Variants in CNOT3 observed in about 807,000 individuals in gnomAD.
CNOT3 encodes CCR4-associated factor 3.
In CNOT3, 2 loss-of-function variants were observed where a neutral mutation model predicts 89.4. That is an observed-to-expected ratio of 0.02 (90% CI 0.01 to 0.07). CNOT3 has a LOEUF of 0.07. Among genes scored for constraint, CNOT3 ranks in the 10% least tolerant of loss-of-function variants. The pLI is 1.00. For missense variants in CNOT3, 664 were observed against 1,010.2 expected (o/e 0.66, Z 4.65); for synonymous variants, 486 against 402.0 (o/e 1.21, Z -2.50).
In CNOT3 at chr19:54,146,657, G is replaced by C. The variant is rs984903818; in HGVS notation, c.894G>C (p.Gln298His). The change falls in exon 10 of 18, where the codon CAG (glutamine) becomes CAC (histidine). Residue 298 changes from glutamine to histidine, a missense_variant and splice_region_variant. This residue lies in a region of CNOT3 where 545 missense variants were observed against 566.2 expected (regional missense o/e 0.96). Transcript: ENST00000221232. ...RGRSTDSEVS[Q>H]SPAKNGSKPV... ...GTTCCACAGACAGTGAAGTCAGCCA[G>C]GTGGGTGTGAGCCTGGACCGGGTGG... 4 of 1,535,904 alleles carry C rather than the reference G, an allele frequency of 2.6e-6. No individual in the cohort carries two copies. The highest frequency in any genetic ancestry group is 3.6e-6 in the Non-Finnish European group (4 of 1,108,686).
In CNOT3 at chr19:54,144,065, G is replaced by A. The variant is rs763433426; in HGVS notation, c.318G>A (p.Glu106=). The A allele has an allele frequency of 1.9e-6, 3 of 1,600,414 alleles. No individual in the cohort carries two copies. The highest frequency in any genetic ancestry group is 2.6e-6 in the Non-Finnish European group (3 of 1,176,274). Residue 106 remains glutamate, a synonymous_variant, in exon 6 of 18, where the codon GAG becomes GAA. Transcript: ENST00000221232. The surrounding 1 kb of genome is among the most constrained non-coding windows in gnomAD (Gnocchi z 4.8). ...CCAAAACCAAAGCTTACAGCAAAGA[G>A]GGCCTGGGCCTGGCCCAGAAGGTAG... The part of the protein sequence containing the change: ...RETKTKAYSK[E]GLGLAQKVDP...
intron 1 of CNOT3, chr19:54,142,441 C>CACACACACACACACAG: frequency 4.4e-6 from 1 of 228,458 alleles, no homozygotes; most frequent in Non-Finnish European, 8.8e-6. Context: ...CTTACACACA[C>CACACACACACACACAG]ACACACACAC....
At chr19:54,153,461 C>A (rs1362340557) in intron 16 of CNOT3, 5 of 775,710 alleles carry the variant, frequency 6.4e-6, no homozygotes, top group Non-Finnish European at 9.6e-6. Flanking sequence ...CCTCTCTCAG[C>A]TCTCATCACA....
chr19:54,154,496 T>G (rs2075311897), intron 17 of CNOT3: 1 of 183,192 alleles, frequency 5.5e-6, no homozygotes, highest in African/African-American at 2.3e-5. Context: ...ATGTAAGTAC[T>G]TAATGGTGAC....
chr19:54,140,060 A>G (rs1165561705), intron 1 of CNOT3, among the ~76,000 whole-genome samples: 1 of 152,164 alleles, frequency 6.6e-6, no homozygotes, highest in African/African-American at 2.4e-5. Context: ...CTGTGGGCAC[A>G]TGACGGCCCC....
chr19:54,146,195 G>A (rs587718960), intron 9 of CNOT3, 152 bp downstream of exon 9: 1 of 816,968 alleles, frequency 1.2e-6, no homozygotes, highest in Non-Finnish European at 1.9e-6. Context: ...CACACGCTAA[G>A]GTCCTATATC....
At chr19:54,153,993 C>G in intron 17 of CNOT3, 153 bp downstream of exon 17, 1 of 977,196 alleles carries the variant, frequency 1.0e-6, no homozygotes, top group Non-Finnish European at 1.6e-6. Flanking sequence ...TGGCTGTCTG[C>G]TCAGCCTGGA....
At chr19:54,140,671 T>A (rs1274589315) in intron 1 of CNOT3, among the ~76,000 whole-genome samples, 1 of 152,196 alleles carries the variant, frequency 6.6e-6, no homozygotes, top group Non-Finnish European at 1.5e-5. Context: ...GCCCCTTCTC[T>A]GTGGAGGAGC....
Position 54,155,354 on chromosome 19 carries a change from A to G in CNOT3, c.2209A>G (p.Lys737Glu). The stretch of plus-strand genomic sequence containing the variant: ...CTACGAGAAGTGGGGCCAGCGGAAG[A>G]AGGAAGGCTTCACCTTTGAGTACCG... ...FDYEKWGQRK[K>E]EGFTFEYRYL... Residue 737 changes from lysine to glutamate, a missense_variant, in exon 18 of 18, where the codon AAG becomes GAG. Physicochemically the swap from Lys to Glu is moderately conservative, Grantham distance 56. Around this residue, in one of 8 missense-constraint regions of CNOT3, gnomAD observed 13 missense variants for 44.3 expected, o/e 0.29. Coordinates refer to ENST00000221232, the MANE Select transcript of CNOT3 (RefSeq NM_014516.4). 6.2e-7 allele frequency: 1 copy of G among 1,613,340 alleles called. No homozygotes were observed. Among genetic ancestry groups the G allele is most frequent in the Non-Finnish European group, 8.5e-7 (1 of 1,179,482 alleles).
chr19:54,147,490 G>T (rs889294846), intron 10 of CNOT3, among the ~76,000 whole-genome samples: 1 of 152,220 alleles, frequency 6.6e-6, no homozygotes, highest in South Asian at 2.1e-4. Flanking sequence ...GCCAAGCAGC[G>T]ATGCCCAGGA....
rs1370148946 is a variant in CNOT3, at chr19:54,153,702, G to A, written c.2038-13G>A. 1.9e-6 allele frequency: 3 copies of A among 1,613,082 alleles called. No individual in the cohort carries two copies. The highest frequency in any genetic ancestry group is 1.1e-5 in the South Asian group (1 of 91,074). The stretch of plus-strand genomic sequence containing the variant: ...GGGCCCCCTGATCCCCCTCTCCACT[G>A]TTCCTCCCCCAGGGCACTAAGGCAC... On this transcript the variant is annotated splice_polypyrimidine_tract_variant and intron_variant, in intron 16 of 17. Coordinates refer to ENST00000221232, the MANE Select transcript of CNOT3 (RefSeq NM_014516.4).
In CNOT3 at chr19:54,148,223, C is replaced by T. The variant is rs376435581; in HGVS notation, c.970C>T (p.Pro324Ser). 8 of 1,596,164 alleles carry T rather than the reference C, an allele frequency of 5.0e-6. No individual in the cohort carries two copies. The African/African-American group carries it at 6.7e-5, about 13-fold the overall frequency. ...PQSPAVPPTY[P>S]SGPPPAASAL... is the part of the protein sequence containing the mutation. The stretch of plus-strand genomic sequence containing the variant: ...GTCCCCAGCTGTGCCGCCCACCTAC[C>T]CCTCCGGCCCCCCGCCTGCTGCCTC... Residue 324 changes from proline (P) to serine (S), a missense_variant, in exon 11 of 18, where the codon CCC becomes TCC. Coordinates refer to ENST00000221232, the MANE Select transcript of CNOT3 (RefSeq NM_014516.4). The surrounding 1 kb of genome is among the most constrained non-coding windows in gnomAD (Gnocchi z 6.3).
chr19:54,148,456 C>CGGCAGCGGA lies in CNOT3; in HGVS notation c.1207_1215dup (p.Ser403_Gly405dup). On this transcript the variant is annotated inframe_insertion, in exon 11 of 18. Transcript: ENST00000221232. The surrounding 1 kb of genome is among the most constrained non-coding windows in gnomAD (Gnocchi z 6.3). The stretch of plus-strand genomic sequence containing the variant: ...TCCAGCCTAGCGGAGGCGGAGGCGG[C>CGGCAGCGGA]GGCAGCGGAGGCGGAGGGAGCAGCA... 1 of 1,565,216 alleles carries CGGCAGCGGA rather than the reference C, an allele frequency of 6.4e-7. No individual in the cohort carries two copies. Among genetic ancestry groups the CGGCAGCGGA allele is most frequent in the Non-Finnish European group, 8.7e-7 (1 of 1,153,242 alleles).
intron 1 of CNOT3, among the ~76,000 whole-genome samples, chr19:54,138,985 G>A (rs1488097521): frequency 6.6e-6 from 1 of 152,184 alleles, no homozygotes; most frequent in African/African-American, 2.4e-5. Context: ...GTCTCCCAGT[G>A]ATATCAGGAC....
At chr19:54,151,331 C>T (rs2075091414) in intron 13 of CNOT3, among the ~76,000 whole-genome samples, 1 of 152,014 alleles carries the variant, frequency 6.6e-6, no homozygotes, top group Non-Finnish European at 1.5e-5. Flanking sequence ...GGAGGGTGGT[C>T]TGGGCAGGAG....
At chr19:54,138,507 AG>A (rs1329219475) in intron 1 of CNOT3, among the ~76,000 whole-genome samples, 99 of 143,850 alleles carry the variant, frequency 6.9e-4, no homozygotes, top group African/African-American at 2.3e-3. Flanking sequence ...GGTGGCGGGG[AG>A]GGGGGGTGGT....
intron 16 of CNOT3, chr19:54,153,498 T>G (rs756034671): frequency 6.4e-6 from 5 of 777,568 alleles, no homozygotes; most frequent in Admixed American, 1.7e-5. Flanking sequence ...TTCTCAAAGC[T>G]TCTCTGAAAG....
At chr19:54,147,007 C>T (rs775491922) in intron 10 of CNOT3, among the ~76,000 whole-genome samples, 9 of 152,122 alleles carry the variant, frequency 5.9e-5, no homozygotes, top group African/African-American at 1.9e-4. Flanking sequence ...ATGAGTCTGG[C>T]CAGGTCTGCA....
At position 54,148,332 on chromosome 19, in the gene CNOT3, C is replaced by T. The variant is rs2074802422; in HGVS notation, c.1079C>T (p.Ala360Val). ...GCCCTGGGCCCCAAGGCCAGTCCAG[C>T]TCCCAGCCACAACTCGGGCACCCCT... is the stretch of plus-strand genomic sequence containing the variant. ...PSALGPKASPAPSHNSGTPAP... is the reference protein window; with the variant it reads ...PSALGPKASPVPSHNSGTPAP... Residue 360 changes from alanine (A) to valine (V), a missense_variant, in exon 11 of 18, where the codon GCT becomes GTT. This residue lies in a region of CNOT3 where 545 missense variants were observed against 566.2 expected (regional missense o/e 0.96). Transcript: ENST00000221232. The surrounding 1 kb of genome is among the most constrained non-coding windows in gnomAD (Gnocchi z 6.3). The T allele has an allele frequency of 1.3e-6, 2 of 1,594,864 alleles. No individual in the cohort carries two copies. The highest frequency in any genetic ancestry group is 1.7e-6 in the Non-Finnish European group (2 of 1,170,542).
Sources: gnomAD v4.1 joint callset for allele counts (sites outside exome capture counted in the v4.1 genomes callset) on GRCh38, gnomAD v4.1.1 for gene constraint, gnomAD v4.1.1 regional missense constraint, Gnocchi (gnomAD v3.1) non-coding constraint, MANE v1.5 for transcripts, NCBI Gene and HGNC (gene_info 2026-07-23, HGNC 2026-07-21) for gene names.